PIAS1: variants seen among roughly 807,000 people sequenced by gnomAD.
PIAS1 encodes the protein protein inhibitor of activated STAT 1.
A neutral mutation model predicts 71.3 loss-of-function variants in PIAS1; 6 were observed. The observed-to-expected ratio is 0.08, with a 90% CI of 0.05 to 0.17. The LOEUF is 0.17. Ranked by LOEUF, PIAS1 falls within the 10% of genes least tolerant of loss-of-function variation. PIAS1 has a pLI of 1.00. For missense variants in PIAS1, 555 were observed against 793.6 expected, an observed-to-expected ratio of 0.70 and a Z score of 3.61; for synonymous variants, 303 against 292.9, an observed-to-expected ratio of 1.03 and a Z score of -0.35.
intron 2 of PIAS1, among the ~76,000 whole-genome samples, chr15:68,126,116 T>G (rs531822804): frequency 2.4e-4 from 37 of 152,300 alleles, no homozygotes; most frequent in African/African-American, 8.9e-4. Context: ...TTTTAGCCAT[T>G]ATATTGGGAA....
At chr15:68,172,248 C>CT (rs1442047189) in intron 8 of PIAS1, among the ~76,000 whole-genome samples, 3 of 152,268 alleles carry the variant, frequency 2.0e-5, no homozygotes, top group South Asian at 2.1e-4. Context: ...TGAACTCATC[C>CT]TTTTTTATGG....
At chr15:68,098,365 A>T (rs1359610131) in intron 2 of PIAS1, among the ~76,000 whole-genome samples, 4 of 152,180 alleles carry the variant, frequency 2.6e-5, no homozygotes, top group Non-Finnish European at 5.9e-5. Context: ...GATCATTATA[A>T]AGGTTTTCAT....
intron 6 of PIAS1, among the ~76,000 whole-genome samples, chr15:68,153,031 T>C (rs938153031): frequency 6.6e-6 from 1 of 151,948 alleles, no homozygotes; most frequent in African/African-American, 2.4e-5. Flanking sequence ...ATATTCCCTC[T>C]GCTTGTTGTG....
In PIAS1 at chr15:68,054,560, C is replaced by A. The variant is rs373076968; in HGVS notation, c.24+210C>A. The A allele has an allele frequency of 1.1e-5, 5 of 462,804 alleles. No individual in the cohort carries two copies. The highest frequency in any genetic ancestry group is 6.3e-5 in the African/African-American group (3 of 47,612). 28.7% of individuals were successfully genotyped at this position (462,804 alleles called of 1,614,324 possible). A position where few individuals can be genotyped will look rare whatever the true frequency, so the allele number is the denominator to read the frequency against. On this transcript the variant is annotated intron_variant, in intron 1 of 13. Coordinates refer to ENST00000249636, the MANE Select transcript of PIAS1 (RefSeq NM_016166.3). This position sits in a 1 kb window ranked among gnomAD's most constrained non-coding sequence, Gnocchi z 4.6. The stretch of plus-strand genomic sequence containing the variant: ...GGGTGCCTCGGGGGCGCTGACGGGT[C>A]GTCCCCGGCGTGTTATTGTTGTGGG...
In PIAS1 at chr15:68,150,727, A is replaced by T. The variant is rs2092838215; in HGVS notation, c.829-2863A>T. ...ATTTAGATGTAGGTTGAGTATTCCTAATCTGAAAATCTGAAACACAAGATG... is the reference window on the plus strand; with the variant it reads ...ATTTAGATGTAGGTTGAGTATTCCTTATCTGAAAATCTGAAACACAAGATG... On this transcript the variant is annotated intron_variant, in intron 6 of 13. Coordinates refer to ENST00000249636, the MANE Select transcript of PIAS1 (RefSeq NM_016166.3). Among the ~76,000 whole-genome samples the T allele has an allele frequency of 3.3e-5, 5 of 152,296 alleles. No individual in the cohort carries two copies. The South Asian group carries it at 1.0e-3, about 32-fold the overall frequency.
chr15:68,162,431 G>A lies in PIAS1; in HGVS notation c.935-2300G>A, dbSNP rs568353340. On this transcript the variant is annotated intron_variant, in intron 7 of 13. Coordinates refer to ENST00000249636, the MANE Select transcript of PIAS1 (RefSeq NM_016166.3). Reference sequence around the variant, plus strand: ...AGGCATGTAGAGTGGTTATTAGTCAGGGTTCTCCGGAGAAACTCTAGGAGG... The same window carrying A: ...AGGCATGTAGAGTGGTTATTAGTCAAGGTTCTCCGGAGAAACTCTAGGAGG... 3.3e-5 allele frequency among the ~76,000 whole-genome samples: 5 copies of A among 152,220 alleles called. No individual in the cohort carries two copies. In the South Asian group the frequency reaches 8.3e-4, roughly 25 times the overall value.
In PIAS1 at chr15:68,190,177, A is replaced by T. The variant is rs1161083639; in HGVS notation, c.*2342A>T. 6.6e-6 allele frequency: 1 copy of T among 152,200 alleles called. No homozygotes were observed. The highest frequency in any genetic ancestry group is 2.4e-5 in the African/African-American group (1 of 41,450). 9.4% of individuals were successfully genotyped at this position (152,200 alleles called of 1,614,324 possible). A position where few individuals can be genotyped will look rare whatever the true frequency, so the allele number is the denominator to read the frequency against. On this transcript the variant is annotated 3_prime_UTR_variant, in exon 14 of 14. Transcript: ENST00000249636. This position sits in a 1 kb window ranked among gnomAD's most constrained non-coding sequence, Gnocchi z 4.7. ...TCCCTCAGTGTCCCACATTATACCA[A>T]CCTAAGAGAAGAACAGGTAATAGGG...
intron 2 of PIAS1, among the ~76,000 whole-genome samples, chr15:68,100,077 CTG>C (rs1458051117): frequency 6.9e-6 from 1 of 144,752 alleles, no homozygotes; most frequent in Non-Finnish European, 1.5e-5. Context: ...TTCTTCCAGT[CTG>C]TAGCTTGTAT....
chr15:68,086,326 A>G lies in PIAS1; in HGVS notation c.45A>G (p.Arg15=). 1 of 1,607,126 alleles carries G rather than the reference A, an allele frequency of 6.2e-7. No individual in the cohort carries two copies. The highest frequency in any genetic ancestry group is 8.5e-7 in the Non-Finnish European group (1 of 1,176,170). The part of the protein sequence containing the change: ...AELKQMVMSL[R]VSELQVLLGY... ...CTAAGCAAATGGTTATGAGCCTTAG[A>G]GTTTCTGAACTCCAAGTACTGTTGG... Residue 15 remains arginine, a synonymous_variant, in exon 2 of 14, where the codon AGA becomes AGG. Coordinates refer to ENST00000249636, the MANE Select transcript of PIAS1 (RefSeq NM_016166.3). This position sits in a 1 kb window ranked among gnomAD's most constrained non-coding sequence, Gnocchi z 7.2.
intron 1 of PIAS1, among the ~76,000 whole-genome samples, chr15:68,061,884 A>G (rs1220630469): frequency 2.0e-5 from 3 of 152,174 alleles, no homozygotes; most frequent in African/African-American, 4.8e-5. Context: ...CCCTTAACTT[A>G]AAGCCAGAGC....
At chr15:68,072,052 G>T (rs970439242) in intron 1 of PIAS1, among the ~76,000 whole-genome samples, 1 of 151,660 alleles carries the variant, frequency 6.6e-6, no homozygotes, top group East Asian at 1.9e-4. Context: ...GTATGTTTGC[G>T]GAACAGCTAC....
intron 2 of PIAS1, among the ~76,000 whole-genome samples, chr15:68,089,384 C>T (rs990131709): frequency 9.2e-5 from 14 of 152,076 alleles, no homozygotes; most frequent in Non-Finnish European, 1.2e-4. Context: ...TTATTGTTTA[C>T]TTTGGCCTCT....
chr15:68,160,802 CAGTGTAATAAAG>C, intron 7 of PIAS1, among the ~76,000 whole-genome samples: 1 of 152,254 alleles, frequency 6.6e-6, no homozygotes, highest in East Asian at 1.9e-4. Context: ...GGAGCTGCCT[CAGTGTAATAAAG>C]AGTATTTACA....
intron 7 of PIAS1, among the ~76,000 whole-genome samples, chr15:68,161,744 A>G (rs1056991856): frequency 6.6e-6 from 1 of 151,958 alleles, no homozygotes; most frequent in Non-Finnish European, 1.5e-5. Flanking sequence ...CAGCCTGGCC[A>G]ATATGGTGAA....
At chr15:68,135,086 G>T (rs1208720340) in intron 2 of PIAS1, among the ~76,000 whole-genome samples, 1 of 47,180 alleles carries the variant, frequency 2.1e-5, no homozygotes, top group Admixed American at 1.7e-4. Flanking sequence ...GTGGCTGGCC[G>T]GGCGGGGGGC....
intron 8 of PIAS1, among the ~76,000 whole-genome samples, chr15:68,165,137 T>A (rs2092949242): frequency 6.6e-6 from 1 of 152,222 alleles, no homozygotes; most frequent in Admixed American, 6.5e-5. Context: ...TGTTATTTTT[T>A]TGAGATGGAG....
Position 68,142,233 on chromosome 15 carries a change from T to A in PIAS1, c.555-57T>A, listed in dbSNP as rs924098676. On this transcript the variant is annotated intron_variant, in intron 3 of 13. Coordinates refer to ENST00000249636, the MANE Select transcript of PIAS1 (RefSeq NM_016166.3). ...TTTCTGGAGTAACAAGGTCTTTGAA[T>A]GAACTTTCATGCAAATACTTTAAAA... is the stretch of plus-strand genomic sequence containing the variant. The A allele has an allele frequency of 3.5e-6, 5 of 1,431,946 alleles. No homozygotes were observed. In the African/African-American group the frequency reaches 7.0e-5, roughly 20 times the overall value. The allele number at this position is 1,431,946 out of a possible 1,614,324, so 88.7% of individuals were successfully genotyped here.
chr15:68,099,408 G>GT (rs1035899228), intron 2 of PIAS1, among the ~76,000 whole-genome samples: 9 of 150,842 alleles, frequency 6.0e-5, no homozygotes, highest in Non-Finnish European at 8.9e-5. Context: ...TGTCTTTTGA[G>GT]TTTTTTTTAT....
At chr15:68,091,336 T>C (rs1228254245) in intron 2 of PIAS1, among the ~76,000 whole-genome samples, 2 of 152,156 alleles carry the variant, frequency 1.3e-5, no homozygotes, top group Non-Finnish European at 2.9e-5. Flanking sequence ...TTGTTTAAAT[T>C]GGCTTTGTTA....
Sources: allele counts gnomAD v4.1 joint callset (sites outside exome capture counted in the v4.1 genomes callset), GRCh38; gene constraint gnomAD v4.1.1; non-coding constraint Gnocchi (gnomAD v3.1); transcripts MANE v1.5; gene names NCBI Gene and HGNC (gene_info 2026-07-23, HGNC 2026-07-21).